HSPG2: variants seen among roughly 807,000 people sequenced by gnomAD.
HSPG2 encodes the protein heparan sulfate proteoglycan 2.
Under a neutral mutation model 526.6 loss-of-function variants are expected in HSPG2, and 278 were observed. The observed-to-expected ratio is 0.53, with a 90% CI of 0.48 to 0.58. The LOEUF (loss-of-function observed/expected upper bound fraction) is 0.58, where lower values mean the gene tolerates loss of function less well. Ranked by LOEUF, HSPG2 falls within the 20% of genes least tolerant of loss-of-function variation. HSPG2 has a pLI of 0.00. For missense variants in HSPG2, 5,354 were observed against 6,099.5 expected (o/e 0.88, Z 4.07); for synonymous variants, 2,465 against 2,555.4 (o/e 0.96, Z 1.07).
In HSPG2 at chr1:21,864,893, C is replaced by A; in HGVS notation, c.4576G>T (p.Glu1526Ter). 6.2e-7 allele frequency: 1 copy of A among 1,610,622 alleles called. No individual in the cohort carries two copies. Among genetic ancestry groups the A allele is most frequent in the East Asian group, 2.2e-5 (1 of 44,816 alleles). ...PGPSNRPRAL[E>*]VEECRCPPGY... ...GGCGGGCAGCGGCACTCCTCCACCT[C>A]GAGGGCGCGGGGTCTGTTTGAGGGC... The change falls in exon 36 of 97, where the codon GAG (glutamate) becomes TAG (stop). Residue 1526 changes from glutamate to a stop codon, truncating the protein, a stop_gained. Transcript: ENST00000374695. LOFTEE classifies it high-confidence loss of function. This position sits in a 1 kb window ranked among gnomAD's most constrained non-coding sequence, Gnocchi z 4.8.
intron 62 of HSPG2, 102 bp from the exon 63 acceptor site, chr1:21,846,701 A>T: frequency 1.5e-6 from 2 of 1,338,780 alleles, no homozygotes; most frequent in East Asian, 4.6e-5. Context: ...CCAGAGTAAC[A>T]CTAATAGTTA....
rs541198508 is a variant in HSPG2 at position 21,850,409 on chromosome 1, T to C, written c.7248A>G (p.Leu2416=). 6.8e-6 allele frequency: 11 copies of C among 1,611,348 alleles called. No homozygotes were observed. In the East Asian group the frequency reaches 1.8e-4, roughly 26 times the overall value. The change falls in exon 56 of 97, where the codon CTA becomes CTG. Residue 2416 remains leucine, a synonymous_variant. Transcript: ENST00000374695. ...CAATGGTGACCAGGACAGAGGCCTCTAGAGGCACGGAGCTGCCCAACACTC... is the reference window on the plus strand; with the variant it reads ...CAATGGTGACCAGGACAGAGGCCTCCAGAGGCACGGAGCTGCCCAACACTC... ...VCRVLGSSVP[L]EASVLVTIEP...
At chr1:21,857,491 C>T in intron 42 of HSPG2, 106 bp from the exon 43 acceptor site, 1 of 1,007,460 alleles carries the variant, frequency 9.9e-7, no homozygotes, top group Middle Eastern at 2.8e-4. Context: ...CTTCCTGGTC[C>T]AGCCTAGCTC....
chr1:21,823,330 G>A lies in HSPG2; in HGVS notation c.13162C>T (p.Pro4388Ser), dbSNP rs1395265342. 2 of 1,540,444 alleles carry A rather than the reference G, an allele frequency of 1.3e-6. No individual in the cohort carries two copies. Among genetic ancestry groups the A allele is most frequent in the Non-Finnish European group, 1.7e-6 (2 of 1,145,748 alleles). Residue 4388 changes from proline to serine, a missense_variant, in exon 97 of 97, where the codon CCC (proline) becomes TCC (serine). Pro to Ser is a moderately conservative substitution (Grantham distance 74). Transcript: ENST00000374695. ...HRAQAGANTR[P>S]CPS ...CAGGCAGGTGCCTACGAGGGGCAGG[G>A]GCGTGTGTTGGCCCCGGCCTGGGCG... is the stretch of plus-strand genomic sequence containing the variant.
intron 74 of HSPG2, among the ~76,000 whole-genome samples, chr1:21,838,024 T>C (rs2098033573): frequency 6.7e-6 from 1 of 150,060 alleles, no homozygotes; most frequent in African/African-American, 2.4e-5. Flanking sequence ...TAGTGCCAGC[T>C]ACTCGGGAGG....
Position 21,854,222 on chromosome 1 carries a change from C to G in HSPG2, c.6410G>C (p.Gly2137Ala). The change falls in exon 50 of 97, where the codon GGC (glycine) becomes GCC (alanine). Residue 2137 changes from glycine (G) to alanine (A), a missense_variant. Physicochemically the swap from Gly to Ala is moderately conservative, Grantham distance 60. Transcript: ENST00000374695. ...GGTGTAGCTGGGGCCAGAATGGGTG[C>G]CGTGGAGCACAGACACAGTAATGGA... is the stretch of plus-strand genomic sequence containing the variant. Reference protein sequence around the residue: ...EASITVSVLHGTHSGPSYTPV... With the variant: ...EASITVSVLHATHSGPSYTPV... The G allele has an allele frequency of 6.3e-7, 1 of 1,594,824 alleles. No individual in the cohort carries two copies. Among genetic ancestry groups the G allele is most frequent in the South Asian group, 1.1e-5 (1 of 87,828 alleles).
chr1:21,885,487 C>A, intron 9 of HSPG2, 36 bp from the exon 10 acceptor site: 1 of 1,612,606 alleles, frequency 6.2e-7, no homozygotes, highest in Non-Finnish European at 8.5e-7. Flanking sequence ...AATAGCCCAC[C>A]CCGTCCATCC....
chr1:21,834,697 C>A lies in HSPG2; in HGVS notation c.10702G>T (p.Val3568Phe). The A allele has an allele frequency of 6.2e-7, 1 of 1,614,160 alleles. No individual in the cohort carries two copies. The highest frequency in any genetic ancestry group is 1.1e-5 in the South Asian group (1 of 91,084). ...TNAAGTTQSHVLLLVQALPQI... is the reference protein window; with the variant it reads ...TNAAGTTQSHFLLLVQALPQI... ...CCTTCACCTTGCACAAGCAGCAGGA[C>A]GTGGGATTGTGTGGTGCCAGCTGCG... The change falls in exon 77 of 97, where the codon GTC becomes TTC. Residue 3568 changes from valine to phenylalanine, a missense_variant. By Grantham distance (50) the Val-to-Phe change is conservative. Transcript: ENST00000374695.
chr1:21,845,160 C>A (rs574810958), intron 64 of HSPG2, among the ~76,000 whole-genome samples: 2 of 152,124 alleles, frequency 1.3e-5, no homozygotes, highest in African/African-American at 2.4e-5. Context: ...GCAGGAGAAT[C>A]GCTTGAACCC....
intron 1 of HSPG2, among the ~76,000 whole-genome samples, chr1:21,899,709 A>T (rs1041182195): frequency 6.6e-6 from 1 of 152,200 alleles, no homozygotes; most frequent in Non-Finnish European, 1.5e-5. Flanking sequence ...TCAGCCTAGT[A>T]TCACCTGAGT....
intron 80 of HSPG2, 63 bp from the exon 81 acceptor site, chr1:21,832,669 C>T: frequency 7.9e-7 from 1 of 1,260,894 alleles, no homozygotes; most frequent in South Asian, 1.2e-5. Flanking sequence ...CCTCCCCCAC[C>T]CTAGAAACCA....
At position 21,865,821 on chromosome 1, in the gene HSPG2, C is replaced by T; in HGVS notation, c.4222-12G>A. The T allele has an allele frequency of 6.2e-7, 1 of 1,609,028 alleles. No homozygotes were observed. The highest frequency in any genetic ancestry group is 8.5e-7 in the Non-Finnish European group (1 of 1,175,894). On this transcript the variant is annotated splice_polypyrimidine_tract_variant and intron_variant, in intron 33 of 96. Transcript: ENST00000374695. This position sits in a 1 kb window ranked among gnomAD's most constrained non-coding sequence, Gnocchi z 5.4. ...CCGTAGGCCGCCACCTGCAAAGAGG[C>T]AAGCCCAGAGGTCACAGGCTGACCT...
Position 21,887,854 on chromosome 1 carries a change from C to T in HSPG2, c.703+84G>A. ...TCTGCCTGCACCAAACCCTCATAGT[C>T]CTTGATGGGCTCCAAGACCCAGGTG... On this transcript the variant is annotated intron_variant, in intron 7 of 96. Transcript: ENST00000374695. This position sits in a 1 kb window ranked among gnomAD's most constrained non-coding sequence, Gnocchi z 5.0. 2 of 1,604,338 alleles carry T rather than the reference C, an allele frequency of 1.2e-6. No homozygotes were observed. Among genetic ancestry groups the T allele is most frequent in the Non-Finnish European group, 8.5e-7 (1 of 1,173,004 alleles).
Position 21,844,277 on chromosome 1 carries a change from G to C in HSPG2, c.8487C>G (p.Ile2829Met), listed in dbSNP as rs780503374. The change falls in exon 65 of 97, where the codon ATC (isoleucine) becomes ATG (methionine). Residue 2829 changes from isoleucine to methionine, a missense_variant. Ile to Met is a conservative substitution (Grantham distance 10, BLOSUM62 1). Transcript: ENST00000374695. The part of the protein sequence containing the change: ...HVPAPGGAPP[I>M]RIEPSSSRVA... The stretch of plus-strand genomic sequence containing the variant: ...CTCGGGAGGAGGAGGGCTCGATGCG[G>C]ATGGGTGGGGCTCCACCTGGGGCTG... The C allele has an allele frequency of 1.6e-5, 26 of 1,613,402 alleles. No individual in the cohort carries two copies. In the Middle Eastern group the frequency reaches 6.6e-4, roughly 41 times the overall value.
Position 21,859,714 on chromosome 1 carries a change from C to T in HSPG2, c.5183-38G>A, listed in dbSNP as rs1356847528. ...AGACAAGAGCTTGTTGGTGCAGATA[C>T]ACTCTTTCTCACATCCAGCCCCATG... On this transcript the variant is annotated intron_variant, in intron 41 of 96. Transcript: ENST00000374695. The surrounding 1 kb of genome is among the most constrained non-coding windows in gnomAD (Gnocchi z 5.3). The T allele has an allele frequency of 3.2e-6, 5 of 1,583,190 alleles. No individual in the cohort carries two copies. In the South Asian group the frequency reaches 4.6e-5, roughly 14 times the overall value.
intron 1 of HSPG2, among the ~76,000 whole-genome samples, chr1:21,906,158 C>A (rs1643367491): frequency 6.6e-6 from 1 of 152,212 alleles, no homozygotes; most frequent in South Asian, 2.1e-4. Context: ...GAACTCCATA[C>A]CACCTGGTCC....
At position 21,854,320 on chromosome 1, in the gene HSPG2, G is replaced by T; in HGVS notation, c.6312C>A (p.Leu2104=). The part of the protein sequence containing the change: ...HTQVHGSRLR[L]PQVSPADSGE... ...CAGAATCAGCTGGTGAGACCTGGGG[G>T]AGCCGCAGACGGGAGCCGTGCACCT... The change falls in exon 50 of 97, where the codon CTC becomes CTA. Residue 2104 remains leucine, a synonymous_variant. Transcript: ENST00000374695. 2 of 1,572,584 alleles carry T rather than the reference G, an allele frequency of 1.3e-6. No individual in the cohort carries two copies. Among genetic ancestry groups the T allele is most frequent in the African/African-American group, 1.3e-5 (1 of 74,506 alleles).
At chr1:21,849,861 G>A (rs193268221) in intron 57 of HSPG2, among the ~76,000 whole-genome samples, 180 bp downstream of exon 57, 1 of 152,326 alleles carries the variant, frequency 6.6e-6, no homozygotes, top group Admixed American at 6.5e-5. Context: ...TGGATTTTCA[G>A]TAGAGATGGG....
chr1:21,883,067 A>G (rs1159801111), intron 13 of HSPG2, among the ~76,000 whole-genome samples: 2 of 152,092 alleles, frequency 1.3e-5, no homozygotes, highest in African/African-American at 4.8e-5. Context: ...TGGACCACCC[A>G]GATTCCAATC....
Sources: gnomAD v4.1 joint callset for allele counts (sites outside exome capture counted in the v4.1 genomes callset) on GRCh38, gnomAD v4.1.1 for gene constraint, Gnocchi (gnomAD v3.1) non-coding constraint, MANE v1.5 for transcripts, NCBI Gene and HGNC (gene_info 2026-07-23, HGNC 2026-07-21) for gene names.